RNF220: variants seen among roughly 807,000 people sequenced by gnomAD.
The protein encoded by RNF220 is E3 ubiquitin-protein ligase RNF220.
RNF220 carries 7 observed loss-of-function variants against 67.1 expected under a neutral mutation model. The observed-to-expected ratio is 0.10, with a 90% CI of 0.06 to 0.20. The LOEUF (loss-of-function observed/expected upper bound fraction) is 0.20. RNF220 is among the 10% of genes least tolerant of loss of function. The pLI is 1.00. For synonymous variants in RNF220, 270 were observed against 283.2 expected, an observed-to-expected ratio of 0.95 and a Z score of 0.47; for missense variants, 565 against 740.3, an observed-to-expected ratio of 0.76 and a Z score of 2.75.
intron 2 of RNF220, among the ~76,000 whole-genome samples, chr1:44,570,932 G>A (rs1664396981): frequency 6.6e-6 from 1 of 151,978 alleles, no homozygotes; most frequent in African/African-American, 2.4e-5. Context: ...AAATTAGCTG[G>A]GCATGGTGGT....
chr1:44,520,427 C>A (rs1309701808), intron 2 of RNF220, among the ~76,000 whole-genome samples: 1 of 152,166 alleles, frequency 6.6e-6, no homozygotes. Flanking sequence ...GATCGCACCA[C>A]TGCACTCCAG....
chr1:44,640,704 C>T (rs536278146), intron 8 of RNF220, among the ~76,000 whole-genome samples: 1 of 152,334 alleles, frequency 6.6e-6, no homozygotes, highest in Admixed American at 6.5e-5. Context: ...TGGCAGGTGA[C>T]ACTGCAGGCC....
chr1:44,506,043 C>T (rs1322159121), intron 2 of RNF220, among the ~76,000 whole-genome samples: 1 of 152,218 alleles, frequency 6.6e-6, no homozygotes, highest in African/African-American at 2.4e-5. Flanking sequence ...TTCCTTACCT[C>T]TTCTCTGGGC....
intron 2 of RNF220, among the ~76,000 whole-genome samples, chr1:44,473,649 C>A (rs1241353266): frequency 6.6e-6 from 1 of 152,112 alleles, no homozygotes; most frequent in Non-Finnish European, 1.5e-5. Context: ...GTGAACCAAG[C>A]CTGATTGAAG....
chr1:44,616,924 T>G (rs1643577116), intron 3 of RNF220, among the ~76,000 whole-genome samples: 1 of 152,128 alleles, frequency 6.6e-6, no homozygotes, highest in Non-Finnish European at 1.5e-5. Flanking sequence ...GCCAACAGCC[T>G]TCCTTTTTCC....
At chr1:44,418,961 G>T (rs1379827361) in intron 2 of RNF220, among the ~76,000 whole-genome samples, 6 of 152,038 alleles carry the variant, frequency 3.9e-5, no homozygotes, top group Admixed American at 2.6e-4. Flanking sequence ...CACACCTTGG[G>T]ACGTGCTCTT....
chr1:44,434,609 C>T (rs1329667689), intron 2 of RNF220, among the ~76,000 whole-genome samples: 3 of 151,184 alleles, frequency 2.0e-5, no homozygotes, highest in East Asian at 1.9e-4. Context: ...CCTAGCTACT[C>T]GGGAGGCTGA....
At chr1:44,527,485 C>T (rs12133829) in intron 2 of RNF220, among the ~76,000 whole-genome samples, 8,653 of 152,158 alleles carry the variant, frequency 0.057, 371 homozygotes, top group African/African-American at 0.12. Context: ...AAGCCAGGCA[C>T]TATGATGTAC....
intron 2 of RNF220, among the ~76,000 whole-genome samples, chr1:44,550,256 A>C (rs949004439): frequency 6.6e-6 from 1 of 152,218 alleles, no homozygotes; most frequent in African/African-American, 2.4e-5. Context: ...AGGCTCGAGA[A>C]GAAGCCCAGA....
intron 2 of RNF220, among the ~76,000 whole-genome samples, chr1:44,499,312 T>A (rs1019308346): frequency 6.6e-6 from 1 of 152,140 alleles, no homozygotes; most frequent in Admixed American, 6.5e-5. Flanking sequence ...CCCCTTTAGG[T>A]CACCCCCTCT....
At chr1:44,537,840 A>C (rs1661353795) in intron 2 of RNF220, among the ~76,000 whole-genome samples, 1 of 152,228 alleles carries the variant, frequency 6.6e-6, no homozygotes, top group Non-Finnish European at 1.5e-5. Context: ...TGTTCTGTGC[A>C]CTGCGCCTCT....
At chr1:44,470,413 G>T in intron 2 of RNF220, among the ~76,000 whole-genome samples, 1 of 152,202 alleles carries the variant, frequency 6.6e-6, no homozygotes. Flanking sequence ...TATTTATGGA[G>T]TGTCTACTAA....
At chr1:44,595,302 G>A in intron 2 of RNF220, among the ~76,000 whole-genome samples, 1 of 152,162 alleles carries the variant, frequency 6.6e-6, no homozygotes, top group Non-Finnish European at 1.5e-5. Flanking sequence ...CCCAGTGCTG[G>A]AGCCACAGCG....
rs572605904 is a variant in RNF220, at chr1:44,619,268, T to G, written c.759-3474T>G. 2.0e-5 allele frequency among the ~76,000 whole-genome samples: 3 copies of G among 152,320 alleles called. No individual in the cohort carries two copies. In the South Asian group the frequency reaches 6.2e-4, roughly 32 times the overall value. On this transcript the variant is annotated intron_variant, in intron 3 of 14. Transcript: ENST00000361799. The stretch of plus-strand genomic sequence containing the variant: ...GAGGTTTCTGGAGCCATTCAAGATC[T>G]GGCCTCTGAGCTGGGAAGCCAGCTC...
intron 2 of RNF220, among the ~76,000 whole-genome samples, chr1:44,431,147 A>G (rs190417494): frequency 6.6e-6 from 1 of 152,306 alleles, no homozygotes; most frequent in East Asian, 1.9e-4. Context: ...TTTCAGTTTT[A>G]CCGTCCAAAA....
intron 2 of RNF220, among the ~76,000 whole-genome samples, chr1:44,553,476 A>G (rs1304324828): frequency 1.3e-5 from 2 of 152,094 alleles, no homozygotes; most frequent in East Asian, 3.9e-4. Context: ...CTCACTAAAA[A>G]CGAGATGACT....
At chr1:44,429,015 G>A (rs1235902214) in intron 2 of RNF220, among the ~76,000 whole-genome samples, 1 of 151,996 alleles carries the variant, frequency 6.6e-6, no homozygotes, top group Admixed American at 6.5e-5. Flanking sequence ...ACTCTTCTTA[G>A]AGGACTTAAG....
At chr1:44,545,793 G>A (rs1313827179) in intron 2 of RNF220, among the ~76,000 whole-genome samples, 5 of 145,514 alleles carry the variant, frequency 3.4e-5, no homozygotes, top group African/African-American at 1.3e-4. Flanking sequence ...TCTCACTCTT[G>A]TTGCCCAGGC....
At chr1:44,564,559 C>T (rs1245985357) in intron 2 of RNF220, among the ~76,000 whole-genome samples, 1 of 152,016 alleles carries the variant, frequency 6.6e-6, no homozygotes, top group Non-Finnish European at 1.5e-5. Context: ...TCGAGATCAG[C>T]CTGGCCCACA....
Sources: gnomAD v4.1 joint callset for allele counts (sites outside exome capture counted in the v4.1 genomes callset) on GRCh38, gnomAD v4.1.1 for gene constraint, MANE v1.5 for transcripts, NCBI Gene and HGNC (gene_info 2026-07-23, HGNC 2026-07-21) for gene names.